The following KIF24 variants were observed in gnomAD, a reference collection of about 807,000 sequenced individuals.
KIF24 encodes kinesin family member 24.
In KIF24, 81 loss-of-function variants were observed where a neutral mutation model predicts 118.9. That is an observed-to-expected ratio of 0.68 (90% CI 0.57 to 0.82). KIF24 has a LOEUF of 0.82. KIF24 is among the 40% of genes least tolerant of loss of function. The pLI is 0.00. For synonymous variants in KIF24, 599 were observed against 610.0 expected, an observed-to-expected ratio of 0.98 and a Z score of 0.27; for missense variants, 1,560 against 1,661.6, an observed-to-expected ratio of 0.94 and a Z score of 1.06.
rs1366603767 is a variant in KIF24 at position 34,310,773 on chromosome 9, T to G, written c.574A>C (p.Ile192Leu). The change falls in exon 2 of 13, where the codon ATC (isoleucine) becomes CTC (leucine). Residue 192 changes from isoleucine to leucine, a missense_variant. Coordinates refer to ENST00000402558, the MANE Select transcript of KIF24 (RefSeq NM_194313.4). ...TAGTTATACCCTGAAACATGAGAGA[T>G]TCTTTGAATAATGGGAATATCACAA... ...GDCDIPIIQR[I>L]SHVSGYNYGI... 3.1e-6 allele frequency: 5 copies of G among 1,610,818 alleles called. No individual in the cohort carries two copies. The highest frequency in any genetic ancestry group is 3.4e-6 in the Non-Finnish European group (4 of 1,177,708).
intron 3 of KIF24, among the ~76,000 whole-genome samples, chr9:34,299,692 T>C (rs1836619151): frequency 6.6e-6 from 1 of 152,116 alleles, no homozygotes; most frequent in African/African-American, 2.4e-5. Flanking sequence ...CTTTTGTACC[T>C]TTCTATTTCA....
At chr9:34,305,078 A>C (rs7042250) in intron 3 of KIF24, among the ~76,000 whole-genome samples, 1 of 151,830 alleles carries the variant, frequency 6.6e-6, no homozygotes, top group Non-Finnish European at 1.5e-5. Context: ...CAATTTTAGG[A>C]GTACCTAAAT....
Position 34,256,443 on chromosome 9 carries a change from G to A in KIF24, c.3164C>T (p.Ser1055Phe). ...TTCGTTGTCTGGGTTCTCCAGGAGG[G>A]ACATGGTGAGGGGAGACATGAGTCC... Reference protein sequence around the residue: ...ASGLMSPLTMSLLENPDNEGS... With the variant: ...ASGLMSPLTMFLLENPDNEGS... Residue 1055 changes from serine to phenylalanine, a missense_variant, in exon 11 of 13, where the codon TCC (serine) becomes TTC (phenylalanine). This residue lies in a region of KIF24 where 591 missense variants were observed against 655.6 expected (regional missense o/e 0.90). Coordinates refer to ENST00000402558, the MANE Select transcript of KIF24 (RefSeq NM_194313.4). 6.2e-7 allele frequency: 1 copy of A among 1,613,912 alleles called. No homozygotes were observed. Among genetic ancestry groups the A allele is most frequent in the Non-Finnish European group, 8.5e-7 (1 of 1,179,870 alleles).
chr9:34,298,365 G>C (rs1836565815), intron 3 of KIF24, among the ~76,000 whole-genome samples: 1 of 152,014 alleles, frequency 6.6e-6, no homozygotes, highest in Non-Finnish European at 1.5e-5. Context: ...GGCCAACATG[G>C]TGAAACCCAT....
At chr9:34,292,402 T>C (rs1442021468) in intron 4 of KIF24, among the ~76,000 whole-genome samples, 2 of 152,162 alleles carry the variant, frequency 1.3e-5, no homozygotes, top group Admixed American at 1.3e-4. Flanking sequence ...TGCTCTCAGA[T>C]CTTACCCTTT....
chr9:34,267,085 G>A (rs1233695282), intron 8 of KIF24, among the ~76,000 whole-genome samples: 2 of 152,150 alleles, frequency 1.3e-5, no homozygotes, highest in Non-Finnish European at 2.9e-5. Flanking sequence ...AAATCAGATA[G>A]TTGAGGGAAA....
chr9:34,260,841 C>A (rs1238762616), intron 9 of KIF24, among the ~76,000 whole-genome samples: 1 of 152,082 alleles, frequency 6.6e-6, no homozygotes, highest in African/African-American at 2.4e-5. Context: ...CATGGTGGCA[C>A]ACACCTGTAG....
chr9:34,262,502 G>A (rs1160393005), intron 9 of KIF24, among the ~76,000 whole-genome samples: 21 of 150,564 alleles, frequency 1.4e-4, no homozygotes, highest in Admixed American at 1.3e-3. Flanking sequence ...GAGCATAATG[G>A]CACTCAAAAA....
chr9:34,324,059 G>A (rs72733122), intron 1 of KIF24, among the ~76,000 whole-genome samples: 53 of 152,198 alleles, frequency 3.5e-4, no homozygotes, highest in African/African-American at 1.2e-3. Flanking sequence ...AATAGACACA[G>A]TACCACCCCT....
intron 10 of KIF24, 69 bp downstream of exon 10, chr9:34,259,525 TCA>T (rs1480804345): frequency 1.1e-5 from 12 of 1,119,720 alleles, no homozygotes; most frequent in East Asian, 7.1e-5. Flanking sequence ...GCACACATGC[TCA>T]CACACGCGTG....
chr9:34,322,179 T>G (rs1176368210), intron 1 of KIF24, among the ~76,000 whole-genome samples: 1 of 152,174 alleles, frequency 6.6e-6, no homozygotes, highest in East Asian at 1.9e-4. Context: ...AAGGAAGTAG[T>G]AGACCAAAAC....
At chr9:34,332,290 G>C (rs1837963126), upstream of KIF24, among the ~76,000 whole-genome samples, 2 of 152,108 alleles carry the variant, frequency 1.3e-5, no homozygotes, top group Non-Finnish European at 2.9e-5. Context: ...CCTTCTGCCT[G>C]GTAAACTAGT....
intron 6 of KIF24, among the ~76,000 whole-genome samples, chr9:34,280,080 C>G (rs991364452): frequency 5.1e-4 from 77 of 151,266 alleles, no homozygotes; most frequent in Non-Finnish European, 8.5e-4. Context: ...GTCAGGAGAT[C>G]GAGACCATCC....
intron 3 of KIF24, among the ~76,000 whole-genome samples, chr9:34,302,752 C>A (rs1836770355): frequency 6.6e-6 from 1 of 151,636 alleles, no homozygotes; most frequent in Admixed American, 6.6e-5. Context: ...CAGGTGTAAG[C>A]CGCTGTGCCT....
intron 6 of KIF24, 32 bp downstream of exon 6, chr9:34,286,584 TG>T: frequency 7.0e-7 from 1 of 1,428,138 alleles, no homozygotes; most frequent in Non-Finnish European, 9.9e-7. Flanking sequence ...TACACTGTTG[TG>T]GTGGGGTAAT....
chr9:34,319,840 T>C (rs2131830126), intron 1 of KIF24, among the ~76,000 whole-genome samples: 1 of 152,288 alleles, frequency 6.6e-6, no homozygotes, highest in South Asian at 2.1e-4. Context: ...CACTTGGACG[T>C]GGGCCCCAGA....
At chr9:34,292,455 ACCTGTCT>A (rs1836287227) in intron 4 of KIF24, among the ~76,000 whole-genome samples, 1 of 152,062 alleles carries the variant, frequency 6.6e-6, no homozygotes, top group African/African-American at 2.4e-5. Flanking sequence ...AAAGGTATAG[ACCTGTCT>A]CCTGGGCTTG....
At chr9:34,275,595 C>T (rs950329922) in intron 6 of KIF24, among the ~76,000 whole-genome samples, 1 of 152,116 alleles carries the variant, frequency 6.6e-6, no homozygotes, top group Admixed American at 6.6e-5. Context: ...AATCCCAGCA[C>T]TTTGGGAGGC....
chr9:34,256,296 G>C lies in KIF24; in HGVS notation c.3311C>G (p.Pro1104Arg). 1 of 1,612,308 alleles carries C rather than the reference G, an allele frequency of 6.2e-7. No individual in the cohort carries two copies. The highest frequency in any genetic ancestry group is 8.5e-7 in the Non-Finnish European group (1 of 1,179,156). ...CAGGTGCCTAGTTGCTGAAGACACT[G>C]GCAAGGCTGCCTCTTGATCACCAGA... ...VPSGDQEAALPVSSATRHLWL... is the reference protein window; with the variant it reads ...VPSGDQEAALRVSSATRHLWL... Residue 1104 changes from proline (P) to arginine (R), a missense_variant, in exon 11 of 13, where the codon CCA becomes CGA. By Grantham distance (103) the Pro-to-Arg change is moderately radical. This residue lies in a region of KIF24 where 591 missense variants were observed against 655.6 expected (regional missense o/e 0.90). Coordinates refer to ENST00000402558, the MANE Select transcript of KIF24 (RefSeq NM_194313.4).
Sources: gnomAD v4.1 joint callset for allele counts (sites outside exome capture counted in the v4.1 genomes callset) on GRCh38, gnomAD v4.1.1 for gene constraint, gnomAD v4.1.1 regional missense constraint, MANE v1.5 for transcripts, NCBI Gene and HGNC (gene_info 2026-07-23, HGNC 2026-07-21) for gene names.